SLC35F2: variants seen among roughly 807,000 people sequenced by gnomAD.
SLC35F2 encodes the protein queuine/queuosine transporter SLC35F2.
SLC35F2 carries 25 observed loss-of-function variants against 38.1 expected under a neutral mutation model. The observed-to-expected ratio is 0.66, with a 90% CI of 0.48 to 0.92. SLC35F2 has a LOEUF of 0.92. SLC35F2 is among the 40% of genes least tolerant of loss of function. The pLI is 0.00. For missense variants in SLC35F2, 409 were observed against 452.9 expected (o/e 0.90, Z 0.88); for synonymous variants, 173 against 181.7 (o/e 0.95, Z 0.38).
chr11:107,813,175 T>A (rs1399878017), intron 2 of SLC35F2, among the ~76,000 whole-genome samples: 2 of 152,194 alleles, frequency 1.3e-5, no homozygotes, highest in East Asian at 1.9e-4. Flanking sequence ...CCGGGTGCGG[T>A]GGCTCACACC....
intron 1 of SLC35F2, among the ~76,000 whole-genome samples, chr11:107,826,110 G>A (rs924555764): frequency 6.6e-6 from 1 of 152,082 alleles, no homozygotes; most frequent in African/African-American, 2.4e-5. Context: ...TAAACACACA[G>A]GAGTACTACT....
chr11:107,819,292 G>A (rs1336170767), intron 1 of SLC35F2, among the ~76,000 whole-genome samples: 2 of 152,194 alleles, frequency 1.3e-5, no homozygotes, highest in African/African-American at 2.4e-5. Flanking sequence ...TCATGTAGCT[G>A]AGTCTGGTAC....
chr11:107,842,366 AT>A (rs1002046723), intron 1 of SLC35F2, among the ~76,000 whole-genome samples: 1 of 129,066 alleles, frequency 7.7e-6, no homozygotes, highest in Non-Finnish European at 1.6e-5. Flanking sequence ...TAATTTTTTT[AT>A]TTTTTGAGCC....
intron 1 of SLC35F2, among the ~76,000 whole-genome samples, chr11:107,841,277 G>A (rs1303534941): frequency 6.6e-6 from 1 of 152,142 alleles, no homozygotes; most frequent in East Asian, 1.9e-4. Flanking sequence ...AGTACACTAA[G>A]GCCGGCCGGG....
intron 1 of SLC35F2, among the ~76,000 whole-genome samples, chr11:107,854,668 T>G (rs544844751): frequency 3.3e-5 from 5 of 152,246 alleles, no homozygotes; most frequent in African/African-American, 1.2e-4. Flanking sequence ...TTCCTAATCA[T>G]AGAGAAAAGT....
chr11:107,818,068 AAAAAAAAGAAAGAAAG>A (rs1157400100), intron 1 of SLC35F2, among the ~76,000 whole-genome samples: 13 of 101,542 alleles, frequency 1.3e-4, no homozygotes, highest in Admixed American at 3.2e-4. Context: ...AAAAAAAAAA[AAAAAAAAGAAAGAAAG>A]AAAGAAAGAA....
In SLC35F2 at chr11:107,836,052, C is replaced by A. The variant is rs150759159; in HGVS notation, c.111-20087G>T. 3.9e-4 allele frequency among the ~76,000 whole-genome samples: 59 copies of A among 152,298 alleles called. 1 individual carries two copies. The highest frequency in any genetic ancestry group is 1.4e-3 in the African/African-American group (57 of 41,566). On this transcript the variant is annotated intron_variant, in intron 1 of 7. Coordinates refer to ENST00000525815, the MANE Select transcript of SLC35F2 (RefSeq NM_017515.5). ...GTAAATTCTCCAGCATGAATGGAGC[C>A]TGAACATGCAGCTCATCCAAAGGAA...
intron 1 of SLC35F2, among the ~76,000 whole-genome samples, chr11:107,821,750 A>G: frequency 6.6e-6 from 1 of 152,176 alleles, no homozygotes; most frequent in East Asian, 1.9e-4. Flanking sequence ...ATGAACTTCA[A>G]TGGCAGGATA....
chr11:107,830,250 T>A (rs957144106), intron 1 of SLC35F2, among the ~76,000 whole-genome samples: 1 of 152,214 alleles, frequency 6.6e-6, no homozygotes, highest in African/African-American at 2.4e-5. Flanking sequence ...GTTTCCATTA[T>A]AATTTTTAAT....
At chr11:107,834,711 A>G (rs1204701945) in intron 1 of SLC35F2, among the ~76,000 whole-genome samples, 1 of 152,222 alleles carries the variant, frequency 6.6e-6, no homozygotes, top group African/African-American at 2.4e-5. Context: ...AGCCGTAAAA[A>G]TACAGGCTAA....
At chr11:107,810,277 A>C (rs75891026) in intron 3 of SLC35F2, 13,250 of 985,376 alleles carry the variant, frequency 0.013, 162 homozygotes, top group East Asian at 0.072. Context: ...AGCGTGAAAG[A>C]AATTGTTTTC....
intron 7 of SLC35F2, among the ~76,000 whole-genome samples, chr11:107,793,080 C>A (rs892001592): frequency 6.8e-6 from 1 of 147,488 alleles, no homozygotes; most frequent in Non-Finnish European, 1.5e-5. Flanking sequence ...CCACACCCGG[C>A]CAATTTTTGT....
chr11:107,812,268 C>A (rs117257922), intron 2 of SLC35F2, among the ~76,000 whole-genome samples: 1 of 152,258 alleles, frequency 6.6e-6, no homozygotes, highest in South Asian at 2.1e-4. Context: ...ACTCCTGCAA[C>A]AGCTCACCAG....
intron 1 of SLC35F2, among the ~76,000 whole-genome samples, chr11:107,834,379 G>A (rs565573219): frequency 2.2e-4 from 33 of 152,262 alleles, no homozygotes; most frequent in Middle Eastern, 3.4e-3. Flanking sequence ...GGCTGGGCGC[G>A]GTGGCTCACC....
At chr11:107,802,432 A>G (rs144755831) in intron 7 of SLC35F2, among the ~76,000 whole-genome samples, 1 of 152,280 alleles carries the variant, frequency 6.6e-6, no homozygotes, top group African/African-American at 2.4e-5. Flanking sequence ...AATAGGACCC[A>G]TTGCTGATGG....
At chr11:107,856,943 TG>T (rs1326995289) in intron 1 of SLC35F2, among the ~76,000 whole-genome samples, 3 of 106,326 alleles carry the variant, frequency 2.8e-5, no homozygotes, top group Non-Finnish European at 5.5e-5. Context: ...GGAAGGAGAC[TG>T]GAGCACAGAG....
At chr11:107,818,700 C>G (rs1859621847) in intron 1 of SLC35F2, among the ~76,000 whole-genome samples, 1 of 152,146 alleles carries the variant, frequency 6.6e-6, no homozygotes, top group Non-Finnish European at 1.5e-5. Context: ...CTGTATAGTA[C>G]TCTACCACAT....
intron 1 of SLC35F2, chr11:107,816,195 C>T (rs1263454551): frequency 2.0e-6 from 2 of 985,210 alleles, no homozygotes; most frequent in African/African-American, 3.5e-5. Flanking sequence ...GCATATTCCC[C>T]CATTTCACTG....
At chr11:107,823,152 G>T in intron 1 of SLC35F2, 1 of 985,228 alleles carries the variant, frequency 1.0e-6, no homozygotes, top group Non-Finnish European at 1.2e-6. Context: ...CAAACCAGTT[G>T]GATCAGATTC....
Sources: gnomAD v4.1 joint callset for allele counts (sites outside exome capture counted in the v4.1 genomes callset) on GRCh38, gnomAD v4.1.1 for gene constraint, MANE v1.5 for transcripts, NCBI Gene and HGNC (gene_info 2026-07-23, HGNC 2026-07-21) for gene names.